Variants in NAALADL2 observed in about 807,000 individuals in gnomAD.
The protein encoded by NAALADL2 is inactive N-acetylated-alpha-linked acidic dipeptidase-like protein 2.
In NAALADL2, 76 loss-of-function variants were observed where a neutral mutation model predicts 87.2. That is an observed-to-expected ratio of 0.87 (90% CI 0.72 to 1.05). NAALADL2 has a LOEUF of 1.05. Among genes scored for constraint, NAALADL2 ranks in the 50% least tolerant of loss-of-function variants. NAALADL2 has a pLI of 0.00. For synonymous variants in NAALADL2, 354 were observed against 331.0 expected (o/e 1.07, Z -0.75); for missense variants, 1,089 against 945.8 (o/e 1.15, Z -1.99).
chr3:175,799,541 A>ATGTT (rs1445059256), intron 13 of NAALADL2, among the ~76,000 whole-genome samples: 2 of 152,116 alleles, frequency 1.3e-5, no homozygotes, highest in African/African-American at 4.8e-5. Context: ...AAGAAAGCTT[A>ATGTT]TGTTAGCCTG....
intron 5 of NAALADL2, among the ~76,000 whole-genome samples, chr3:175,358,082 C>T (rs1258166286): frequency 2.0e-5 from 3 of 152,066 alleles, no homozygotes; most frequent in South Asian, 2.1e-4. Flanking sequence ...ACCATAAAAT[C>T]GCAAGTGACA....
At chr3:175,578,690 T>C (rs1242780099) in intron 10 of NAALADL2, among the ~76,000 whole-genome samples, 1 of 152,220 alleles carries the variant, frequency 6.6e-6, no homozygotes, top group Non-Finnish European at 1.5e-5. Context: ...TGTTTGACAG[T>C]AAGCCTATGT....
chr3:174,508,114 G>GTTTTTTTTTTGTTGT (rs1719329319), intron 1 of NAALADL2, among the ~76,000 whole-genome samples: 8 of 103,884 alleles, frequency 7.7e-5, no homozygotes, highest in Non-Finnish European at 1.5e-4. Flanking sequence ...ATATCTAGTG[G>GTTTTTTTTTTGTTGT]TTTTTTTTTT....
At chr3:174,647,453 G>A (rs942509218) in intron 2 of NAALADL2, among the ~76,000 whole-genome samples, 3 of 152,322 alleles carry the variant, frequency 2.0e-5, no homozygotes, top group East Asian at 3.9e-4. Context: ...GGATTTTGAA[G>A]TAACTTGGTT....
intron 2 of NAALADL2, among the ~76,000 whole-genome samples, chr3:174,561,557 A>G (rs1176215952): frequency 6.6e-6 from 1 of 152,072 alleles, no homozygotes; most frequent in Non-Finnish European, 1.5e-5. Flanking sequence ...GGAGTGATGA[A>G]GGATGAGGAA....
intron 10 of NAALADL2, among the ~76,000 whole-genome samples, chr3:175,582,744 A>G (rs1035151983): frequency 1.3e-5 from 2 of 152,230 alleles, no homozygotes; most frequent in African/African-American, 2.4e-5. Flanking sequence ...CACAGTCTAG[A>G]TTCAAACTCA....
Position 175,782,365 on chromosome 3 carries a change from CTGT to C in NAALADL2, c.2190-20635_2190-20633del, listed in dbSNP as rs1222768954. 1.0e-4 allele frequency among the ~76,000 whole-genome samples: 6 copies of C among 57,806 alleles called. No homozygotes were observed. In the Admixed American group the frequency reaches 1.4e-3, roughly 13 times the overall value. The allele number at this position is 57,806 out of a possible 152,430, so 37.9% of individuals were successfully genotyped here. Reference sequence around the variant, plus strand: ...TATTTCTCCACATCCTCTCCAGCACCTGTTGTTTCCTGACTTTTTAATGATTGC... The same window carrying C: ...TATTTCTCCACATCCTCTCCAGCACCTGTTTCCTGACTTTTTAATGATTGC... On this transcript the variant is annotated intron_variant, in intron 13 of 13. Coordinates refer to ENST00000454872, the MANE Select transcript of NAALADL2 (RefSeq NM_207015.3).
intron 12 of NAALADL2, among the ~76,000 whole-genome samples, chr3:175,740,820 A>G (rs901279058): frequency 1.3e-5 from 2 of 152,158 alleles, no homozygotes; most frequent in African/African-American, 4.8e-5. Flanking sequence ...CTTTCTTAAT[A>G]AACTTGCTTT....
chr3:174,774,556 C>T (rs868839846), intron 3 of NAALADL2, among the ~76,000 whole-genome samples: 7 of 152,118 alleles, frequency 4.6e-5, no homozygotes, highest in South Asian at 2.1e-4. Flanking sequence ...GGAAGTGTCA[C>T]GATAGTTGGT....
At chr3:175,233,268 C>G (rs555672814) in intron 2 of NAALADL2, among the ~76,000 whole-genome samples, 2 of 152,148 alleles carry the variant, frequency 1.3e-5, no homozygotes, top group South Asian at 4.2e-4. Context: ...TTAACTATAA[C>G]AAAGAAATGT....
intron 11 of NAALADL2, among the ~76,000 whole-genome samples, chr3:175,665,083 C>T (rs1732770239): frequency 6.6e-6 from 1 of 151,964 alleles, no homozygotes; most frequent in African/African-American, 2.4e-5. Flanking sequence ...ATAGCTTGCC[C>T]AGCAATTTAT....
intron 1 of NAALADL2, among the ~76,000 whole-genome samples, chr3:174,518,477 A>G (rs1720066678): frequency 1.3e-5 from 2 of 152,142 alleles, no homozygotes; most frequent in African/African-American, 2.4e-5. Flanking sequence ...CTTTGCTTGT[A>G]GTGTTTCCAA....
chr3:175,200,729 T>C (rs1296926423), intron 2 of NAALADL2, among the ~76,000 whole-genome samples: 3 of 152,196 alleles, frequency 2.0e-5, no homozygotes, highest in Admixed American at 6.5e-5. Context: ...AATTGGGCTT[T>C]AACATTCCTT....
intron 1 of NAALADL2, among the ~76,000 whole-genome samples, chr3:174,992,840 G>T (rs1299241531): frequency 6.6e-6 from 1 of 152,106 alleles, no homozygotes; most frequent in East Asian, 1.9e-4. Context: ...TTACATTACA[G>T]AGAAATATAT....
At chr3:175,767,424 C>A (rs922390172) in intron 13 of NAALADL2, 1 of 151,870 alleles carries the variant, frequency 6.6e-6, no homozygotes, top group African/African-American at 2.4e-5. Flanking sequence ...GTATTTCCTC[C>A]CAGTCTACCT....
chr3:175,737,444 T>C, intron 12 of NAALADL2, 45 bp downstream of exon 12: 3 of 1,190,582 alleles, frequency 2.5e-6, no homozygotes, highest in Non-Finnish European at 3.8e-6. Flanking sequence ...TGAAAAATTG[T>C]TCAACTAATT....
chr3:175,614,199 C>T (rs371598475), intron 10 of NAALADL2, among the ~76,000 whole-genome samples: 1 of 152,096 alleles, frequency 6.6e-6, no homozygotes, highest in African/African-American at 2.4e-5. Context: ...ATTACAGGTG[C>T]GAGCCACCAT....
At chr3:174,825,274 CAT>C (rs1179152601) in intron 3 of NAALADL2, among the ~76,000 whole-genome samples, 1 of 151,958 alleles carries the variant, frequency 6.6e-6, no homozygotes. Flanking sequence ...CCGGAGGAGA[CAT>C]AGAGTAATTC....
intron 1 of NAALADL2, among the ~76,000 whole-genome samples, chr3:174,885,218 C>T (rs1425682975): frequency 6.6e-6 from 1 of 152,140 alleles, no homozygotes; most frequent in African/African-American, 2.4e-5. Context: ...TGTGCATGCA[C>T]CTTTCATTGC....
Sources: allele counts gnomAD v4.1 joint callset (sites outside exome capture counted in the v4.1 genomes callset), GRCh38; gene constraint gnomAD v4.1.1; transcripts MANE v1.5; gene names NCBI Gene and HGNC (gene_info 2026-07-23, HGNC 2026-07-21).